The following RAVER2 variants were observed in gnomAD, a reference collection of about 807,000 sequenced individuals.
RAVER2 encodes the protein ribonucleoprotein PTB-binding 2.
A neutral mutation model predicts 78.1 loss-of-function variants in RAVER2; 46 were observed. The ratio of observed to expected loss-of-function variants is 0.59; its 90% confidence interval spans 0.46 to 0.75. The LOEUF is 0.75. Ranked by LOEUF, RAVER2 falls within the 30% of genes least tolerant of loss-of-function variation. RAVER2 has a pLI of 0.00. For synonymous variants in RAVER2, 311 were observed against 313.3 expected (o/e 0.99, Z 0.08); for missense variants, 793 against 837.5 (o/e 0.95, Z 0.66).
chr1:64,781,270 C>A, intron 3 of RAVER2, 110 bp from the exon 4 acceptor site: 1 of 951,900 alleles, frequency 1.1e-6, no homozygotes, highest in South Asian at 3.4e-5. Context: ...GTTATTTCCA[C>A]CAGTATCATG....
Position 64,789,410 on chromosome 1 carries a change from T to A in RAVER2, c.1001T>A (p.Leu334Ter). 1 of 1,608,964 alleles carries A rather than the reference T, an allele frequency of 6.2e-7. No homozygotes were observed. Among genetic ancestry groups the A allele is most frequent in the Non-Finnish European group, 8.5e-7 (1 of 1,177,204 alleles). The change falls in exon 5 of 12, where the codon TTA (leucine) becomes TAA (stop). Residue 334 changes from leucine (L) to a stop codon, truncating the protein, a stop_gained. Coordinates refer to ENST00000294428, the Ensembl canonical transcript of RAVER2. LOFTEE classifies it high-confidence loss of function. The stretch of plus-strand genomic sequence containing the variant: ...CAGATGCACAGTAATCAAAAGGGCT[T>A]ACTTCCAGAGCCAAATCCAGTACAA...
intron 5 of RAVER2, among the ~76,000 whole-genome samples, chr1:64,792,871 A>G (rs1652982323): frequency 6.6e-6 from 1 of 152,220 alleles, no homozygotes; most frequent in African/African-American, 2.4e-5. Context: ...AACTCCTCAC[A>G]AAGGCCTTCT....
rs2780813 is a variant in RAVER2 at position 64,812,651 on chromosome 1, T to G, written c.1681-87T>G. On this transcript the variant is annotated intron_variant, in intron 9 of 11. Transcript: ENST00000294428. ...AAATATTTCATAAGTACACTAGATG[T>G]ATTGAAAAATAAGTATTTCTCTATT... 3.2e-3 allele frequency: 2,457 copies of G among 760,626 alleles called. 51 individuals carry two copies. The African/African-American group carries it at 0.039, about 12-fold the overall frequency. The allele number at this position is 760,626 out of a possible 1,614,324, so 47.1% of individuals were successfully genotyped here. A position where few individuals can be genotyped will look rare whatever the true frequency, so the allele number is the denominator to read the frequency against.
chr1:64,774,118 G>A (rs183771580), intron 2 of RAVER2, among the ~76,000 whole-genome samples: 22 of 152,098 alleles, frequency 1.4e-4, no homozygotes, highest in South Asian at 2.1e-4. Context: ...ATTTTCTCCC[G>A]TTCTGTACGT....
intron 1 of RAVER2, among the ~76,000 whole-genome samples, chr1:64,746,754 C>T (rs1309954458): frequency 6.6e-6 from 1 of 152,128 alleles, no homozygotes; most frequent in Non-Finnish European, 1.5e-5. Flanking sequence ...TTTTGTGATA[C>T]TACCTGTTAA....
rs1184167322 is a variant in RAVER2 at position 64,789,525 on chromosome 1, T to C, written c.1105+11T>C. 6.9e-6 allele frequency: 11 copies of C among 1,586,534 alleles called. No individual in the cohort carries two copies. Among genetic ancestry groups the C allele is most frequent in the Non-Finnish European group, 9.4e-6 (11 of 1,166,906 alleles). ...GAGCTGTTAAACCAGGTATGGACCA[T>C]GTATGTATACTGATTAATTAAAGAA... On this transcript the variant is annotated intron_variant, in intron 5 of 11. Transcript: ENST00000294428.
chr1:64,789,526 G>C lies in RAVER2; in HGVS notation c.1105+12G>C, dbSNP rs751082745. The stretch of plus-strand genomic sequence containing the variant: ...AGCTGTTAAACCAGGTATGGACCAT[G>C]TATGTATACTGATTAATTAAAGAAT... On this transcript the variant is annotated intron_variant, in intron 5 of 11. Transcript: ENST00000294428. 11 of 1,473,954 alleles carry C rather than the reference G, an allele frequency of 7.5e-6. No individual in the cohort carries two copies. The South Asian group carries it at 1.8e-4, about 24-fold the overall frequency. The allele number at this position is 1,473,954 out of a possible 1,614,324, so 91.3% of individuals were successfully genotyped here. A position where few individuals can be genotyped will look rare whatever the true frequency, so the allele number is the denominator to read the frequency against.
intron 4 of RAVER2, among the ~76,000 whole-genome samples, chr1:64,784,079 C>T (rs1047626152): frequency 3.3e-5 from 5 of 152,160 alleles, no homozygotes; most frequent in Non-Finnish European, 7.4e-5. Flanking sequence ...TTGGTCCCTT[C>T]GCAACATTTA....
At chr1:64,788,672 G>A (rs1652851101) in intron 4 of RAVER2, among the ~76,000 whole-genome samples, 1 of 149,628 alleles carries the variant, frequency 6.7e-6, no homozygotes, top group African/African-American at 2.5e-5. Context: ...GGTGCCTATA[G>A]TCCCAGCTGC....
intron 1 of RAVER2, among the ~76,000 whole-genome samples, chr1:64,754,434 A>C (rs1651793444): frequency 6.6e-6 from 1 of 152,140 alleles, no homozygotes; most frequent in Non-Finnish European, 1.5e-5. Context: ...CGGACTACCC[A>C]CCTACCTTGT....
chr1:64,761,750 ACTGT>A (rs549326226), intron 1 of RAVER2, among the ~76,000 whole-genome samples: 1 of 152,214 alleles, frequency 6.6e-6, no homozygotes, highest in Admixed American at 6.5e-5. Flanking sequence ...AAGATGTAAA[ACTGT>A]CTATTTGCAG....
chr1:64,748,422 A>G (rs557864209), intron 1 of RAVER2, among the ~76,000 whole-genome samples: 3 of 152,272 alleles, frequency 2.0e-5, no homozygotes, highest in South Asian at 4.2e-4. Flanking sequence ...CTGAAGCACA[A>G]ATCTGATCAT....
chr1:64,803,198 T>G (rs1229616341), intron 6 of RAVER2, 137 bp downstream of exon 6: 1 of 586,944 alleles, frequency 1.7e-6, no homozygotes, highest in African/African-American at 1.9e-5. Flanking sequence ...AGTATAGGTA[T>G]GTAAAATCAT....
chr1:64,795,048 C>G (rs564292081), intron 5 of RAVER2, among the ~76,000 whole-genome samples: 6 of 151,830 alleles, frequency 4.0e-5, no homozygotes, highest in Non-Finnish European at 5.9e-5. Context: ...TACAATTATT[C>G]TGGCATCATT....
exon 6 of RAVER2, chr1:64,803,029 C>T: frequency 1.2e-6 from 2 of 1,608,100 alleles, no homozygotes; most frequent in South Asian, 1.1e-5. Context: ...ATCCATCTCT[C>T]CTGCATTTTT....
At chr1:64,777,083 T>C (rs1462230243) in intron 2 of RAVER2, among the ~76,000 whole-genome samples, 1 of 152,198 alleles carries the variant, frequency 6.6e-6, no homozygotes, top group Admixed American at 6.5e-5. Context: ...TAAGGAAATA[T>C]ATACATGAAT....
intron 5 of RAVER2, among the ~76,000 whole-genome samples, chr1:64,800,236 G>T (rs574012667): frequency 2.6e-5 from 4 of 151,390 alleles, no homozygotes; most frequent in African/African-American, 7.3e-5. Flanking sequence ...TCTACAAGTT[G>T]TACGTGTTCA....
intron 1 of RAVER2, among the ~76,000 whole-genome samples, chr1:64,747,954 A>G (rs1263948365): frequency 6.6e-6 from 1 of 152,184 alleles, no homozygotes; most frequent in Non-Finnish European, 1.5e-5. Context: ...TTAACATTTG[A>G]AATATATGAG....
chr1:64,814,942 C>T, intron 11 of RAVER2, 102 bp downstream of exon 11: 8 of 1,049,592 alleles, frequency 7.6e-6, no homozygotes, highest in Non-Finnish European at 1.0e-5. Context: ...TTAACGTAGG[C>T]AAATCAAATT....
Sources: gnomAD v4.1 joint callset for allele counts (sites outside exome capture counted in the v4.1 genomes callset) on GRCh38, gnomAD v4.1.1 for gene constraint, MANE v1.5 for transcripts, NCBI Gene and HGNC (gene_info 2026-07-23, HGNC 2026-07-21) for gene names.